Variants in EYS observed in about 807,000 individuals in gnomAD.
EYS encodes the protein EGF-like photoreceptor maintenance factor.
A neutral mutation model predicts 282.1 loss-of-function variants in EYS; 250 were observed. That is an observed-to-expected ratio of 0.89 (90% CI 0.80 to 0.98). The LOEUF is 0.98. Ranked by LOEUF, EYS falls within the 50% of genes least tolerant of loss-of-function variation. The pLI is 0.00. For missense variants in EYS, 4,016 were observed against 3,709.0 expected, an observed-to-expected ratio of 1.08 and a Z score of -2.15; for synonymous variants, 1,355 against 1,282.9, an observed-to-expected ratio of 1.06 and a Z score of -1.20.
At chr6:64,983,023 G>C (rs1419441256) in intron 14 of EYS, among the ~76,000 whole-genome samples, 1 of 151,260 alleles carries the variant, frequency 6.6e-6, no homozygotes, top group East Asian at 2.0e-4. Flanking sequence ...TAAATAAATA[G>C]ATATCATGGA....
At chr6:65,036,190 T>A (rs895198944) in intron 13 of EYS, among the ~76,000 whole-genome samples, 1 of 151,536 alleles carries the variant, frequency 6.6e-6, no homozygotes, top group African/African-American at 2.4e-5. Context: ...CCTAAAACCA[T>A]CTGATTTTCA....
chr6:64,555,531 G>T (rs1215462717), intron 26 of EYS, among the ~76,000 whole-genome samples: 1 of 151,824 alleles, frequency 6.6e-6, no homozygotes, highest in Non-Finnish European at 1.5e-5. Context: ...TAATGCATGT[G>T]TTAATTATCT....
intron 10 of EYS, among the ~76,000 whole-genome samples, chr6:65,342,413 T>C (rs1770232958): frequency 6.6e-6 from 1 of 151,044 alleles, no homozygotes; most frequent in Non-Finnish European, 1.5e-5. Context: ...TTGATGATAC[T>C]ACAAATCATA....
intron 31 of EYS, among the ~76,000 whole-genome samples, chr6:64,117,478 T>G (rs1227830392): frequency 6.7e-6 from 1 of 149,846 alleles, no homozygotes. Context: ...CTGGACTAAT[T>G]AAGAAAAAAG....
At chr6:64,880,022 T>C (rs1177894288) in intron 19 of EYS, among the ~76,000 whole-genome samples, 2 of 152,148 alleles carry the variant, frequency 1.3e-5, no homozygotes, top group East Asian at 3.9e-4. Context: ...AGGCAAATCA[T>C]ACCTTTTCCA....
chr6:65,653,007 T>G (rs948764729), intron 1 of EYS, among the ~76,000 whole-genome samples: 3 of 149,920 alleles, frequency 2.0e-5, no homozygotes, highest in Non-Finnish European at 4.5e-5. Context: ...GAAGAGGAGG[T>G]TCAACCTAAG....
intron 30 of EYS, among the ~76,000 whole-genome samples, chr6:64,260,752 A>G (rs771139385): frequency 1.3e-5 from 2 of 152,032 alleles, no homozygotes; most frequent in Non-Finnish European, 2.9e-5. Flanking sequence ...TTTCCATAAC[A>G]TCCTTTATTT....
chr6:65,243,036 T>C (rs677418), intron 12 of EYS, among the ~76,000 whole-genome samples: 3,978 of 152,196 alleles, frequency 0.026, 166 homozygotes, highest in African/African-American at 0.091. Flanking sequence ...AGATACATGA[T>C]TAACAAGTGT....
chr6:65,512,835 C>T (rs1766950890), intron 2 of EYS, among the ~76,000 whole-genome samples: 1 of 151,886 alleles, frequency 6.6e-6, no homozygotes, highest in Non-Finnish European at 1.5e-5. Context: ...CAAGAGAAAG[C>T]AGGAAAGATC....
chr6:65,310,544 A>G lies in EYS; in HGVS notation c.1767-14425T>C, dbSNP rs1769128736. On this transcript the variant is annotated intron_variant, in intron 11 of 42. Transcript: ENST00000503581. ...AAAAACAAAAACAAGGAAATAAAAA[A>G]ACCCAAACTCTTCAGTATGCCCTTC... is the stretch of plus-strand genomic sequence containing the variant. Among the ~76,000 whole-genome samples the G allele has an allele frequency of 3.3e-5, 5 of 151,998 alleles. No individual in the cohort carries two copies. The South Asian group carries it at 1.0e-3, about 32-fold the overall frequency.
At chr6:64,827,121 T>C (rs982014097) in intron 19 of EYS, among the ~76,000 whole-genome samples, 2 of 151,880 alleles carry the variant, frequency 1.3e-5, no homozygotes, top group African/African-American at 2.4e-5. Context: ...CTCTAGATGA[T>C]GGTAAATCAT....
intron 33 of EYS, among the ~76,000 whole-genome samples, chr6:64,038,179 T>C (rs1048194133): frequency 2.0e-5 from 3 of 152,148 alleles, no homozygotes; most frequent in East Asian, 1.9e-4. Flanking sequence ...GGGATGTGGA[T>C]AGGGCAGATG....
intron 31 of EYS, among the ~76,000 whole-genome samples, chr6:64,151,319 A>G (rs1179801463): frequency 0.016 from 403 of 25,438 alleles, 9 homozygotes; most frequent in East Asian, 0.054. Flanking sequence ...GTGTATATTT[A>G]TATATATATA....
intron 12 of EYS, among the ~76,000 whole-genome samples, chr6:65,104,403 T>C (rs568681458): frequency 4.5e-4 from 68 of 151,638 alleles, no homozygotes; most frequent in African/African-American, 1.1e-3. Context: ...AATAACTTCA[T>C]TGCAAACCTC....
At position 65,021,640 on chromosome 6, in the gene EYS, C is replaced by A. The variant is rs1437574745; in HGVS notation, c.2138-23937G>T. ...CTGTTACCTAGTTTCAAGCTCAATT[C>A]CACATTTTCGGGTATCTTTAGAGCA... On this transcript the variant is annotated intron_variant, in intron 13 of 42. Coordinates refer to ENST00000503581, the MANE Select transcript of EYS (RefSeq NM_001142800.2). Among the ~76,000 whole-genome samples the A allele has an allele frequency of 2.6e-5, 4 of 152,150 alleles. 1 individual carries two copies. Among genetic ancestry groups the A allele is most frequent in the African/African-American group, 9.7e-5 (4 of 41,442 alleles).
At chr6:65,374,219 G>C (rs1361671853) in intron 8 of EYS, among the ~76,000 whole-genome samples, 1 of 152,080 alleles carries the variant, frequency 6.6e-6, no homozygotes, top group Non-Finnish European at 1.5e-5. Flanking sequence ...GTTAGGCAGT[G>C]AGTGCGGCCC....
At chr6:65,476,417 C>T (rs1765406975) in intron 5 of EYS, among the ~76,000 whole-genome samples, 1 of 152,088 alleles carries the variant, frequency 6.6e-6, no homozygotes, top group African/African-American at 2.4e-5. Context: ...ATATGTACAT[C>T]TTAATTTAAT....
intron 22 of EYS, among the ~76,000 whole-genome samples, chr6:64,754,981 CG>C (rs1772886867): frequency 6.6e-6 from 1 of 151,934 alleles, no homozygotes; most frequent in Non-Finnish European, 1.5e-5. Flanking sequence ...ATATCCAAAC[CG>C]GAACCGAGGA....
At chr6:64,665,182 A>G (rs1769186423) in intron 22 of EYS, among the ~76,000 whole-genome samples, 4 of 152,226 alleles carry the variant, frequency 2.6e-5, no homozygotes, top group Admixed American at 1.3e-4. Context: ...CATTTATAAA[A>G]TACTGCATGT....
Sources: gnomAD v4.1 joint callset for allele counts (sites outside exome capture counted in the v4.1 genomes callset) on GRCh38, gnomAD v4.1.1 for gene constraint, MANE v1.5 for transcripts, NCBI Gene and HGNC (gene_info 2026-07-23, HGNC 2026-07-21) for gene names.